Variants in NRXN2 observed in about 807,000 individuals in gnomAD.
The protein encoded by NRXN2 is neurexin 2, also known as neurexin-2-beta.
Under a neutral mutation model 128.8 loss-of-function variants are expected in NRXN2, and 29 were observed. That is an observed-to-expected ratio of 0.23 (90% CI 0.17 to 0.31). The LOEUF is 0.31. Ranked by LOEUF, NRXN2 falls within the 10% of genes least tolerant of loss-of-function variation. The pLI is 1.00. For synonymous variants in NRXN2, 1,098 were observed against 1,075.2 expected (o/e 1.02, Z -0.41); for missense variants, 1,881 against 2,452.6 (o/e 0.77, Z 4.92).
intron 3 of NRXN2, among the ~76,000 whole-genome samples, chr11:64,693,922 T>C (rs185182455): frequency 2.6e-5 from 4 of 152,068 alleles, no homozygotes; most frequent in Admixed American, 2.6e-4. Flanking sequence ...ATTTTGAAAA[T>C]AGAAAATGGA....
chr11:64,644,645 G>A (rs956157884), intron 17 of NRXN2, among the ~76,000 whole-genome samples: 24 of 152,144 alleles, frequency 1.6e-4, no homozygotes, highest in Non-Finnish European at 3.4e-4. Context: ...TCGGACAGGG[G>A]AGAGGGTGGG....
At chr11:64,708,572 T>TGA (rs1411577897) in intron 2 of NRXN2, among the ~76,000 whole-genome samples, 3 of 152,088 alleles carry the variant, frequency 2.0e-5, no homozygotes, top group South Asian at 2.1e-4. Context: ...GCCAGATCTC[T>TGA]GAGAGAGAGA....
chr11:64,671,981 G>A (rs1261883163), intron 7 of NRXN2, among the ~76,000 whole-genome samples: 1 of 152,092 alleles, frequency 6.6e-6, no homozygotes, highest in African/African-American at 2.4e-5. Context: ...CTGAGACACA[G>A]CAGAGTGTCT....
intron 17 of NRXN2, among the ~76,000 whole-genome samples, chr11:64,639,269 T>C (rs1268578783): frequency 6.6e-6 from 1 of 152,118 alleles, no homozygotes; most frequent in Non-Finnish European, 1.5e-5. Flanking sequence ...TGCTCAGCTG[T>C]CTCTTGATCT....
At chr11:64,663,912 C>T (rs943533951) in intron 9 of NRXN2, among the ~76,000 whole-genome samples, 7 of 152,178 alleles carry the variant, frequency 4.6e-5, no homozygotes, top group Non-Finnish European at 1.0e-4. Context: ...ACCTAGAAGA[C>T]ATTATGCAAA....
intron 21 of NRXN2, 36 bp from the exon 22 acceptor site, chr11:64,620,408 T>C (rs2135318321): frequency 6.6e-7 from 1 of 1,512,228 alleles, no homozygotes; most frequent in Non-Finnish European, 9.0e-7. Flanking sequence ...AAAGAGAGGT[T>C]CCAGGCAGGT....
At chr11:64,661,208 G>C (rs946826860) in intron 9 of NRXN2, 69 bp from the exon 10 acceptor site, 65 of 1,603,898 alleles carry the variant, frequency 4.1e-5, no homozygotes, top group Non-Finnish European at 5.1e-5. Context: ...ACTCTGCCAA[G>C]AAGGCCCCCC....
At chr11:64,700,161 G>A (rs902784300) in intron 2 of NRXN2, among the ~76,000 whole-genome samples, 2 of 151,956 alleles carry the variant, frequency 1.3e-5, no homozygotes, top group Non-Finnish European at 1.5e-5. Flanking sequence ...ACTTCTCCTC[G>A]CTCTCCTCAG....
In NRXN2 at chr11:64,677,002, C is replaced by T. The variant is rs1428105256; in HGVS notation, c.1188G>A (p.Leu396=). ...TTAGAGTGATATCTACCAGATAATGCAGTTTGTTTACCATAGCGTGTCCAA... is the reference window on the plus strand; with the variant it reads ...TTAGAGTGATATCTACCAGATAATGTAGTTTGTTTACCATAGCGTGTCCAA... ...AGIGHAMVNK[L]HYLVTISVDG... The change falls in exon 7 of 23, where the codon CTG becomes CTA. Residue 396 remains leucine, a synonymous_variant. Transcript: ENST00000265459. 2 of 1,612,138 alleles carry T rather than the reference C, an allele frequency of 1.2e-6. No individual in the cohort carries two copies. Among genetic ancestry groups the T allele is most frequent in the African/African-American group, 1.3e-5 (1 of 74,268 alleles).
At chr11:64,620,434 C>G (rs1188255267) in intron 21 of NRXN2, 62 bp from the exon 22 acceptor site, 3 of 1,346,040 alleles carry the variant, frequency 2.2e-6, no homozygotes, top group African/African-American at 2.9e-5. Context: ...GATCCCACAG[C>G]TGCCACTTGA....
chr11:64,643,250 C>G (rs998732659), intron 17 of NRXN2: 17 of 974,842 alleles, frequency 1.7e-5, no homozygotes, highest in Non-Finnish European at 1.9e-5. Flanking sequence ...AGAAGAGGGA[C>G]GGAGACCTGG....
In NRXN2 at chr11:64,630,365, C is replaced by T. The variant is rs200533653; in HGVS notation, c.3757+37G>A. On this transcript the variant is annotated intron_variant, in intron 19 of 22. Transcript: ENST00000265459. The surrounding 1 kb of genome is among the most constrained non-coding windows in gnomAD (Gnocchi z 4.6). Reference sequence around the variant, plus strand: ...TCCTATCAGAGGCCGCCACCCGCCCCGCCACCGCGCCTCCTCCGCGGGCCC... The same window carrying T: ...TCCTATCAGAGGCCGCCACCCGCCCTGCCACCGCGCCTCCTCCGCGGGCCC... 3.3e-5 allele frequency: 52 copies of T among 1,591,672 alleles called. No homozygotes were observed. The highest frequency in any genetic ancestry group is 4.3e-5 in the Non-Finnish European group (50 of 1,171,648).
chr11:64,630,407 G>A lies in NRXN2; in HGVS notation c.3752C>T (p.Pro1251Leu), dbSNP rs2135369657. The A allele has an allele frequency of 1.2e-6, 2 of 1,603,084 alleles. No individual in the cohort carries two copies. The highest frequency in any genetic ancestry group is 8.5e-7 in the Non-Finnish European group (1 of 1,173,938). The change falls in exon 19 of 23, where the codon CCG (proline) becomes CTG (leucine). Residue 1251 changes from proline to leucine, a missense_variant. Pro to Leu is a moderately conservative substitution (Grantham distance 98, BLOSUM62 -3). Transcript: ENST00000265459. This position sits in a 1 kb window ranked among gnomAD's most constrained non-coding sequence, Gnocchi z 4.6. ...CGCGGGCCCGCGCCGCCTACCTGCC[G>A]GGTACCGCTCGTTGACCGGCCAGCT... ...VDSWPVNERY[P>L]AGNFDNERLA...
chr11:64,665,186 C>T (rs1283799789), intron 9 of NRXN2, among the ~76,000 whole-genome samples: 4 of 151,130 alleles, frequency 2.6e-5, no homozygotes, highest in African/African-American at 9.7e-5. Flanking sequence ...GAGGCTGAGG[C>T]AGGAGAATTG....
Position 64,630,976 on chromosome 11 carries a change from A to T in NRXN2, c.3586-403T>A, listed in dbSNP as rs1443435863. Among the ~76,000 whole-genome samples the T allele has an allele frequency of 2.0e-5, 3 of 152,208 alleles. No individual in the cohort carries two copies. The highest frequency in any genetic ancestry group is 7.2e-5 in the African/African-American group (3 of 41,454). On this transcript the variant is annotated intron_variant, in intron 18 of 22. Transcript: ENST00000265459. This position sits in a 1 kb window ranked among gnomAD's most constrained non-coding sequence, Gnocchi z 4.6. ...AGGCAAGATCAGCAGAGAAGTCCACAGAAGCCGGCCTCTGCCAGAGGAAGG... is the reference window on the plus strand; with the variant it reads ...AGGCAAGATCAGCAGAGAAGTCCACTGAAGCCGGCCTCTGCCAGAGGAAGG...
intron 9 of NRXN2, among the ~76,000 whole-genome samples, chr11:64,666,553 T>A (rs755836202): frequency 4.0e-5 from 6 of 151,298 alleles, no homozygotes; most frequent in Non-Finnish European, 7.4e-5. Context: ...AAGGGAGGCA[T>A]GGCTGGGAAG....
chr11:64,677,578 C>A (rs576803743), intron 6 of NRXN2, among the ~76,000 whole-genome samples: 1 of 152,322 alleles, frequency 6.6e-6, no homozygotes, highest in Non-Finnish European at 1.5e-5. Context: ...GTTAGTAACA[C>A]ACACAGAGTC....
chr11:64,693,046 C>CG (rs1344282277), intron 3 of NRXN2, among the ~76,000 whole-genome samples, 170 bp from the exon 4 acceptor site: 3 of 151,944 alleles, frequency 2.0e-5, no homozygotes, highest in African/African-American at 7.3e-5. Context: ...TGACAGACAT[C>CG]GGGGGGAGCC....
intron 1 of NRXN2, among the ~76,000 whole-genome samples, chr11:64,718,619 G>A (rs567629704): frequency 3.9e-5 from 6 of 152,342 alleles, no homozygotes; most frequent in South Asian, 4.1e-4. Context: ...GGTGTTCGAG[G>A]TGAGACCGGA....
Sources: gnomAD v4.1 joint callset for allele counts (sites outside exome capture counted in the v4.1 genomes callset) on GRCh38, gnomAD v4.1.1 for gene constraint, Gnocchi (gnomAD v3.1) non-coding constraint, MANE v1.5 for transcripts, NCBI Gene and HGNC (gene_info 2026-07-23, HGNC 2026-07-21) for gene names.